Variants in LAYN observed in about 807,000 individuals in gnomAD.
LAYN encodes the protein layilin.
A neutral mutation model predicts 43.6 loss-of-function variants in LAYN; 38 were observed. That is an observed-to-expected ratio of 0.87 (90% CI 0.67 to 1.14). The LOEUF is 1.14. Ranked by LOEUF, LAYN falls within the 50% of genes most tolerant of loss-of-function variation. The pLI is 0.00. For missense variants in LAYN, 479 were observed against 463.8 expected, an observed-to-expected ratio of 1.03 and a Z score of -0.30; for synonymous variants, 168 against 172.9, an observed-to-expected ratio of 0.97 and a Z score of 0.22.
intron 1 of LAYN, chr11:111,541,631 G>T: frequency 4.6e-6 from 7 of 1,507,874 alleles, no homozygotes; most frequent in Non-Finnish European, 6.2e-6. Flanking sequence ...TCTGCATGTC[G>T]GGGGGAGAAC....
At chr11:111,555,395 A>C in intron 5 of LAYN, 105 bp downstream of exon 5, 2 of 781,772 alleles carry the variant, frequency 2.6e-6, no homozygotes, top group South Asian at 1.7e-5. Flanking sequence ...GCTACCTAAA[A>C]ATAGAACTAG....
chr11:111,558,752 A>G (rs1867887621), intron 6 of LAYN, among the ~76,000 whole-genome samples: 1 of 141,866 alleles, frequency 7.0e-6, no homozygotes, highest in Non-Finnish European at 1.5e-5. Context: ...CCAGAACAAT[A>G]TTTTATTTTA....
At chr11:111,558,274 T>C (rs1867880602) in intron 6 of LAYN, among the ~76,000 whole-genome samples, 1 of 152,094 alleles carries the variant, frequency 6.6e-6, no homozygotes, top group Non-Finnish European at 1.5e-5. Context: ...ATCATCATGG[T>C]ATATGGAGAA....
intron 1 of LAYN, 97 bp downstream of exon 1, chr11:111,541,025 G>A: frequency 8.7e-7 from 1 of 1,148,158 alleles, no homozygotes; most frequent in Non-Finnish European, 1.2e-6. Context: ...TATGGGACTA[G>A]AAGGCCGTCC....
chr11:111,540,504 G>A, upstream of LAYN: 1 of 386,928 alleles, frequency 2.6e-6, no homozygotes, highest in Non-Finnish European at 4.7e-6. Flanking sequence ...CCAGCGCCTC[G>A]GGCAAACGCG....
chr11:111,542,261 T>C (rs1867560554), intron 1 of LAYN, among the ~76,000 whole-genome samples: 1 of 152,222 alleles, frequency 6.6e-6, no homozygotes, highest in Non-Finnish European at 1.5e-5. Context: ...AATACCTTCT[T>C]GCAAGCAGGT....
intron 2 of LAYN, among the ~76,000 whole-genome samples, chr11:111,548,936 T>G (rs1359163007): frequency 6.6e-6 from 1 of 152,190 alleles, no homozygotes; most frequent in African/African-American, 2.4e-5. Flanking sequence ...TGCCACTGGA[T>G]AGTAGTGTAA....
rs1445076523 is a variant in LAYN at position 111,560,384 on chromosome 11, T to A, written c.1051T>A (p.Tyr351Asn). ...GAGTGGATTTGTGACCAATGACATT[T>A]ATGAGTTCTCCCCAGACCAAATGGG... ...VESGFVTNDI[Y>N]EFSPDQMGRS... is the part of the protein sequence containing the mutation. Residue 351 changes from tyrosine to asparagine, a missense_variant, in exon 7 of 7, where the codon TAT becomes AAT. Coordinates refer to ENST00000375614, the MANE Select transcript of LAYN (RefSeq NM_178834.5). 3.7e-6 allele frequency: 6 copies of A among 1,614,070 alleles called. No individual in the cohort carries two copies. Among genetic ancestry groups the A allele is most frequent in the African/African-American group, 1.3e-5 (1 of 74,986 alleles).
Position 111,540,816 on chromosome 11 carries a change from G to T in LAYN, c.-28G>T, listed in dbSNP as rs896881456. 1.3e-6 allele frequency: 2 copies of T among 1,515,240 alleles called. No individual in the cohort carries two copies. The highest frequency in any genetic ancestry group is 1.8e-6 in the Non-Finnish European group (2 of 1,138,476). The allele number at this position is 1,515,240 out of a possible 1,614,324, so 93.9% of individuals were successfully genotyped here. A position where few individuals can be genotyped will look rare whatever the true frequency, so the allele number is the denominator to read the frequency against. On this transcript the variant is annotated 5_prime_UTR_variant, in exon 1 of 7. Transcript: ENST00000375614. ...CCCGCTCCACCGCCGTAGCGCCCGA[G>T]TGTCGGGGGGCGCACCCGAGTCGGG...
intron 1 of LAYN, 145 bp downstream of exon 1, chr11:111,541,073 T>C: frequency 1.3e-6 from 1 of 761,698 alleles, no homozygotes; most frequent in Non-Finnish European, 2.1e-6. Context: ...CGGAGTCTCT[T>C]GCGTTCTGGG....
intron 5 of LAYN, among the ~76,000 whole-genome samples, chr11:111,555,537 T>G (rs1342193035): frequency 3.9e-5 from 6 of 152,230 alleles, no homozygotes; most frequent in African/African-American, 9.6e-5. Context: ...AGACAGAGCC[T>G]TGGGAGCCAC....
At chr11:111,542,471 T>C (rs1867564006) in intron 1 of LAYN, among the ~76,000 whole-genome samples, 1 of 152,226 alleles carries the variant, frequency 6.6e-6, no homozygotes, top group South Asian at 2.1e-4. Flanking sequence ...GGATAATCTG[T>C]ATGTGCTCTT....
chr11:111,556,674 GTTA>G (rs750522314), intron 5 of LAYN, among the ~76,000 whole-genome samples: 1 of 152,184 alleles, frequency 6.6e-6, no homozygotes, highest in Non-Finnish European at 1.5e-5. Flanking sequence ...ATTGCTCATT[GTTA>G]TTATGGTGGT....
In LAYN at chr11:111,557,453, G is replaced by A. The variant is rs983858737; in HGVS notation, c.659-88G>A. ...TTTGGGGGTACAAGTGGTTTTTGACGATTATGCTTTTTTTAAGCCTGGTTT... is the reference window on the plus strand; with the variant it reads ...TTTGGGGGTACAAGTGGTTTTTGACAATTATGCTTTTTTTAAGCCTGGTTT... On this transcript the variant is annotated intron_variant, in intron 5 of 6. Coordinates refer to ENST00000375614, the MANE Select transcript of LAYN (RefSeq NM_178834.5). 4.6e-5 allele frequency: 48 copies of A among 1,041,954 alleles called. No homozygotes were observed. In the Admixed American group the frequency reaches 5.3e-4, roughly 12 times the overall value. The allele number at this position is 1,041,954 out of a possible 1,614,324, so 64.5% of individuals were successfully genotyped here.
chr11:111,541,294 C>G (rs1591562160), intron 1 of LAYN: 2 of 602,330 alleles, frequency 3.3e-6, no homozygotes, highest in Non-Finnish European at 5.9e-6. Flanking sequence ...GGGACCACCC[C>G]CGCGGGGCAG....
At chr11:111,546,607 C>G (rs1353533914) in intron 2 of LAYN, among the ~76,000 whole-genome samples, 1 of 152,238 alleles carries the variant, frequency 6.6e-6, no homozygotes, top group Non-Finnish European at 1.5e-5. Flanking sequence ...GGAAGAGGCT[C>G]TGGTCCAGCA....
chr11:111,554,876 CA>C (rs1222753003), intron 4 of LAYN, among the ~76,000 whole-genome samples: 1 of 151,696 alleles, frequency 6.6e-6, no homozygotes, highest in Non-Finnish European at 1.5e-5. Context: ...CTAATGAGAC[CA>C]AAAAAAATGA....
upstream of LAYN, chr11:111,540,306 T>G (rs1867504841): frequency 6.3e-6 from 1 of 157,668 alleles, no homozygotes; most frequent in East Asian, 1.9e-4. Flanking sequence ...TCGCCCTTCG[T>G]GCTGGGACTG....
chr11:111,548,589 G>T (rs1867686718), intron 2 of LAYN, among the ~76,000 whole-genome samples: 1 of 152,214 alleles, frequency 6.6e-6, no homozygotes, highest in Non-Finnish European at 1.5e-5. Context: ...ATTCAATCCA[G>T]TGAGTGCAGC....
Sources: allele counts gnomAD v4.1 joint callset (sites outside exome capture counted in the v4.1 genomes callset), GRCh38; gene constraint gnomAD v4.1.1; transcripts MANE v1.5; gene names NCBI Gene and HGNC (gene_info 2026-07-23, HGNC 2026-07-21).